Variants in VAV1 observed in about 807,000 individuals in gnomAD.
VAV1 encodes the protein vav guanine nucleotide exchange factor 1.
In VAV1, 33 loss-of-function variants were observed where a neutral mutation model predicts 128.1. That is an observed-to-expected ratio of 0.26 (90% CI 0.20 to 0.34). The LOEUF is 0.34. Among genes scored for constraint, VAV1 ranks in the 10% least tolerant of loss-of-function variants. The probability of loss-of-function intolerance (pLI) is 1.00; values close to 1 mark genes in which losing one functional copy is unlikely to be tolerated. For missense variants in VAV1, 715 were observed against 1,093.7 expected (o/e 0.65, Z 4.88); for synonymous variants, 394 against 409.8 (o/e 0.96, Z 0.47).
At chr19:6,854,206 C>T (rs1972737954) in intron 26 of VAV1, 108 bp downstream of exon 26, 1 of 1,418,004 alleles carries the variant, frequency 7.1e-7, no homozygotes, top group Non-Finnish European at 9.5e-7. Context: ...CCATGGAGAT[C>T]TCTCACGGTG....
Position 6,826,329 on chromosome 19 carries a change from A to G in VAV1, c.828-283A>G, listed in dbSNP as rs1159869232. 6.6e-6 allele frequency among the ~76,000 whole-genome samples: 1 copy of G among 152,064 alleles called. No homozygotes were observed. The highest frequency in any genetic ancestry group is 1.5e-5 in the Non-Finnish European group (1 of 68,002). ...CTCCAGCCTGGGAGACAAGCGTGAA[A>G]CCCCGTCTCAAAAATAAATAAATTA... On this transcript the variant is annotated intron_variant, in intron 8 of 26. Coordinates refer to ENST00000602142, the MANE Select transcript of VAV1 (RefSeq NM_005428.4). This position sits in a 1 kb window ranked among gnomAD's most constrained non-coding sequence, Gnocchi z 4.1.
At chr19:6,854,371 T>C (rs1972744278) in intron 26 of VAV1, among the ~76,000 whole-genome samples, 1 of 152,002 alleles carries the variant, frequency 6.6e-6, no homozygotes, top group Non-Finnish European at 1.5e-5. Flanking sequence ...TATAATCGAA[T>C]GTGGAGGACA....
chr19:6,850,225 G>GTTTT (rs760967154), intron 23 of VAV1, among the ~76,000 whole-genome samples: 19 of 49,040 alleles, frequency 3.9e-4, no homozygotes, highest in South Asian at 6.2e-4. Context: ...TTGTTTCTTT[G>GTTTT]TTTTTTTTTT....
At position 6,820,953 on chromosome 19, in the gene VAV1, G is replaced by A. The variant is rs1971768103; in HGVS notation, c.321+135G>A. The A allele has an allele frequency of 2.5e-6, 2 of 788,824 alleles. No individual in the cohort carries two copies. The highest frequency in any genetic ancestry group is 2.0e-5 in the Admixed American group (1 of 49,514). The allele number at this position is 788,824 out of a possible 1,614,324, so 48.9% of individuals were successfully genotyped here. ...CCATATACAAGACGCAAATAGCACT[G>A]GCTTGGGATATGTGGAACTGGGTTT... On this transcript the variant is annotated intron_variant, in intron 2 of 26. Transcript: ENST00000602142. The surrounding 1 kb of genome is among the most constrained non-coding windows in gnomAD (Gnocchi z 4.4).
At chr19:6,839,484 T>C (rs1364295893) in intron 21 of VAV1, among the ~76,000 whole-genome samples, 1 of 151,912 alleles carries the variant, frequency 6.6e-6, no homozygotes, top group Non-Finnish European at 1.5e-5. Flanking sequence ...GTCAGGCTGA[T>C]CTCAAACTCC....
Position 6,815,384 on chromosome 19 carries a change from C to T in VAV1, c.205-5318C>T, listed in dbSNP as rs149926701. Reference sequence around the variant, plus strand: ...CCCAAACCCCTGACCTCAAAGTGATCCTCTCGCCTTGGTTTCCCAAAGTGC... The same window carrying T: ...CCCAAACCCCTGACCTCAAAGTGATTCTCTCGCCTTGGTTTCCCAAAGTGC... On this transcript the variant is annotated intron_variant, in intron 1 of 26. Coordinates refer to ENST00000602142, the MANE Select transcript of VAV1 (RefSeq NM_005428.4). Among the ~76,000 whole-genome samples, 205 of 152,232 alleles carry T rather than the reference C, an allele frequency of 1.3e-3. 4 individuals are homozygous for T. The highest frequency in any genetic ancestry group is 4.7e-3 in the African/African-American group (196 of 41,536).
rs528970495 is a variant in VAV1, at chr19:6,813,307, C to T, written c.205-7395C>T. ...CCCCACAGGACTGATTGAGTGGCCT[C>T]ACAACATGGTCGCCGGTGAGTGGTC... On this transcript the variant is annotated intron_variant, in intron 1 of 26. Coordinates refer to ENST00000602142, the MANE Select transcript of VAV1 (RefSeq NM_005428.4). Among the ~76,000 whole-genome samples, 5 of 152,324 alleles carry T rather than the reference C, an allele frequency of 3.3e-5. No homozygotes were observed. In the South Asian group the frequency reaches 6.2e-4, roughly 19 times the overall value.
chr19:6,834,022 C>T, intron 19 of VAV1, 69 bp downstream of exon 19: 1 of 1,604,690 alleles, frequency 6.2e-7, no homozygotes, highest in Non-Finnish European at 8.5e-7. Flanking sequence ...GACCCAGGGA[C>T]AGATCTCCAT....
At chr19:6,814,655 C>T (rs1338937576) in intron 1 of VAV1, among the ~76,000 whole-genome samples, 18 of 44,798 alleles carry the variant, frequency 4.0e-4, no homozygotes, top group Non-Finnish European at 5.6e-4. Context: ...TTCCTTCCTT[C>T]CTTCCTTCCT....
chr19:6,796,950 A>G (rs2144723643), intron 1 of VAV1, among the ~76,000 whole-genome samples: 1 of 152,224 alleles, frequency 6.6e-6, no homozygotes, highest in South Asian at 2.1e-4. Flanking sequence ...AAATATTTGC[A>G]TATTTGGCCA....
intron 1 of VAV1, among the ~76,000 whole-genome samples, chr19:6,783,715 G>C (rs1270365682): frequency 6.6e-6 from 1 of 151,996 alleles, no homozygotes; most frequent in Non-Finnish European, 1.5e-5. Flanking sequence ...TGATCCACTC[G>C]CCTCGGCCTC....
At chr19:6,800,113 C>T (rs1971232983) in intron 1 of VAV1, among the ~76,000 whole-genome samples, 1 of 151,650 alleles carries the variant, frequency 6.6e-6, no homozygotes, top group African/African-American at 2.4e-5. Flanking sequence ...ACCTGACCGA[C>T]ATAGTGAGGC....
intron 24 of VAV1, among the ~76,000 whole-genome samples, chr19:6,851,909 A>G (rs1972680915): frequency 1.3e-5 from 2 of 151,930 alleles, no homozygotes; most frequent in African/African-American, 4.8e-5. Flanking sequence ...TTTCCTCCAT[A>G]CTTTTTATTC....
At chr19:6,792,469 T>C (rs1374829490) in intron 1 of VAV1, among the ~76,000 whole-genome samples, 1 of 152,076 alleles carries the variant, frequency 6.6e-6, no homozygotes, top group African/African-American at 2.4e-5. Context: ...TCTTCTACTG[T>C]AGTAGGAAGA....
intron 14 of VAV1, among the ~76,000 whole-genome samples, chr19:6,830,580 C>T (rs372497823): frequency 1.3e-5 from 2 of 151,878 alleles, no homozygotes; most frequent in African/African-American, 2.4e-5. Context: ...GCTGGGATTA[C>T]GGGCACCCAC....
intron 6 of VAV1, among the ~76,000 whole-genome samples, chr19:6,824,392 C>A (rs1971865758): frequency 6.6e-6 from 1 of 152,208 alleles, no homozygotes. Flanking sequence ...ATATAAAGGG[C>A]ATCACATACT....
chr19:6,846,724 TTTATA>T (rs941238779), intron 22 of VAV1, among the ~76,000 whole-genome samples: 52 of 147,756 alleles, frequency 3.5e-4, no homozygotes, highest in African/African-American at 1.1e-3. Flanking sequence ...TACATGTATA[TTTATA>T]TTATATTCAT....
In VAV1 at chr19:6,829,856, T is replaced by G; in HGVS notation, c.1336T>G (p.Phe446Val). The G allele has an allele frequency of 6.2e-7, 1 of 1,614,188 alleles. No homozygotes were observed. The highest frequency in any genetic ancestry group is 8.5e-7 in the Non-Finnish European group (1 of 1,180,020). Residue 446 changes from phenylalanine (F) to valine (V), a missense_variant, in exon 14 of 27, where the codon TTT becomes GTT. Phe to Val is a conservative substitution (Grantham distance 50). Around this residue, in one of 3 missense-constraint regions of VAV1, gnomAD observed 407 missense variants for 580.6 expected, o/e 0.70. Coordinates refer to ENST00000602142, the MANE Select transcript of VAV1 (RefSeq NM_005428.4). ...GGGAGACTCCTATGACCTCAAGGAC[T>G]TTGTAAACCTGCACAGCTTCCAGGT... ...RRGDSYDLKD[F>V]VNLHSFQVRD...
At position 6,836,515 on chromosome 19, in the gene VAV1, C is replaced by A; in HGVS notation, c.1861C>A (p.Pro621Thr). The A allele has an allele frequency of 6.2e-7, 1 of 1,614,014 alleles. No individual in the cohort carries two copies. The highest frequency in any genetic ancestry group is 1.6e-4 in the Middle Eastern group (1 of 6,062). Residue 621 changes from proline (P) to threonine (T), a missense_variant, in exon 20 of 27, where the codon CCT (proline) becomes ACT (threonine). Transcript: ENST00000602142. ...CATTGGACCCTTTCTACGGCTCAAC[C>A]CTGGAGACATTGTGGAGCTCACGAA... ...GAIGPFLRLN[P>T]GDIVELTKAE...
Sources: gnomAD v4.1 joint callset for allele counts (sites outside exome capture counted in the v4.1 genomes callset) on GRCh38, gnomAD v4.1.1 for gene constraint, gnomAD v4.1.1 regional missense constraint, Gnocchi (gnomAD v3.1) non-coding constraint, MANE v1.5 for transcripts, NCBI Gene and HGNC (gene_info 2026-07-23, HGNC 2026-07-21) for gene names.